EPHB1: variants seen among roughly 807,000 people sequenced by gnomAD.
EPHB1 encodes the protein EPH receptor B1, also known as ephrin type-B receptor 1.
A neutral mutation model predicts 94.4 loss-of-function variants in EPHB1; 30 were observed. The ratio of observed to expected loss-of-function variants is 0.32; its 90% CI spans 0.24 to 0.43. The LOEUF (loss-of-function observed/expected upper bound fraction) is 0.43, where lower values mean the gene tolerates loss of function less well. Among genes scored for constraint, EPHB1 ranks in the 20% least tolerant of loss-of-function variants. The pLI is 1.00. For synonymous variants in EPHB1, 522 were observed against 489.1 expected, an observed-to-expected ratio of 1.07 and a Z score of -0.89; for missense variants, 1,055 against 1,308.3, an observed-to-expected ratio of 0.81 and a Z score of 2.99.
chr3:135,105,576 C>T (rs1316934497), intron 3 of EPHB1, among the ~76,000 whole-genome samples: 2 of 152,008 alleles, frequency 1.3e-5, no homozygotes, highest in African/African-American at 2.4e-5. Context: ...AGTTAAGACC[C>T]GAGGGATAGC....
chr3:135,080,425 G>T (rs935250339), intron 3 of EPHB1, among the ~76,000 whole-genome samples: 8 of 152,198 alleles, frequency 5.3e-5, no homozygotes, highest in Admixed American at 1.3e-4. Flanking sequence ...AAAGGGAATT[G>T]TTTCTGGGGT....
intron 4 of EPHB1, among the ~76,000 whole-genome samples, chr3:135,115,402 G>T (rs550023571): frequency 6.6e-6 from 1 of 152,294 alleles, no homozygotes; most frequent in South Asian, 2.1e-4. Flanking sequence ...AAGGCAGTCA[G>T]GAGTGAGTGG....
At chr3:134,820,262 T>C (rs1211450022) in intron 1 of EPHB1, among the ~76,000 whole-genome samples, 2 of 152,200 alleles carry the variant, frequency 1.3e-5, no homozygotes, top group Non-Finnish European at 2.9e-5. Context: ...GGAGCCTCCA[T>C]GTCTGGGAAA....
intron 3 of EPHB1, among the ~76,000 whole-genome samples, chr3:135,077,114 G>C (rs1215310533): frequency 6.6e-6 from 1 of 152,104 alleles, no homozygotes; most frequent in African/African-American, 2.4e-5. Flanking sequence ...AACTGCTTAA[G>C]ATAAAAAAGA....
chr3:134,908,917 A>G (rs1004262585), intron 1 of EPHB1, among the ~76,000 whole-genome samples: 6 of 151,908 alleles, frequency 3.9e-5, no homozygotes, highest in Non-Finnish European at 8.8e-5. Context: ...GAACAGATAG[A>G]GAGATGAAGT....
At chr3:135,169,039 A>G (rs1327866272) in intron 9 of EPHB1, among the ~76,000 whole-genome samples, 1 of 152,140 alleles carries the variant, frequency 6.6e-6, no homozygotes. Context: ...CTGCAACCTG[A>G]GATCTGGCTG....
At chr3:135,117,641 C>T (rs1018783533) in intron 4 of EPHB1, among the ~76,000 whole-genome samples, 1 of 152,242 alleles carries the variant, frequency 6.6e-6, no homozygotes, top group Non-Finnish European at 1.5e-5. Flanking sequence ...TAGTTGAACA[C>T]TAAGGTCAAT....
At chr3:134,832,461 G>C (rs183673415) in intron 1 of EPHB1, among the ~76,000 whole-genome samples, 5 of 152,296 alleles carry the variant, frequency 3.3e-5, no homozygotes, top group Admixed American at 3.3e-4. Context: ...ACCACCCTGA[G>C]ACCTGTTCAT....
chr3:135,032,084 A>G (rs567563361), intron 3 of EPHB1, among the ~76,000 whole-genome samples: 6 of 151,958 alleles, frequency 3.9e-5, no homozygotes, highest in African/African-American at 1.4e-4. Context: ...TCTAATACTC[A>G]TTGCCTGGGT....
At chr3:135,076,411 A>T (rs1937923426) in intron 3 of EPHB1, among the ~76,000 whole-genome samples, 1 of 152,188 alleles carries the variant, frequency 6.6e-6, no homozygotes, top group Admixed American at 6.5e-5. Context: ...AATGCAAATT[A>T]AAAACACAAT....
chr3:135,004,472 G>A (rs1245059839), intron 3 of EPHB1, among the ~76,000 whole-genome samples: 38 of 152,120 alleles, frequency 2.5e-4, no homozygotes, highest in South Asian at 1.2e-3. Flanking sequence ...TCTTTGTGGC[G>A]TTCTCTGTAT....
At chr3:135,110,794 T>A (rs1363538104) in intron 4 of EPHB1, among the ~76,000 whole-genome samples, 3 of 152,170 alleles carry the variant, frequency 2.0e-5, no homozygotes, top group African/African-American at 7.2e-5. Flanking sequence ...TTTCTCTCCT[T>A]TAAGTTCATG....
At chr3:135,083,545 G>T (rs1052395743) in intron 3 of EPHB1, among the ~76,000 whole-genome samples, 1 of 151,772 alleles carries the variant, frequency 6.6e-6, no homozygotes, top group Non-Finnish European at 1.5e-5. Flanking sequence ...AGGCATTAGG[G>T]CAAGGCTCAG....
chr3:134,977,002 A>G (rs1461896614), intron 3 of EPHB1, among the ~76,000 whole-genome samples: 1 of 152,212 alleles, frequency 6.6e-6, no homozygotes, highest in African/African-American at 2.4e-5. Context: ...TTTTACTTCA[A>G]TAAAGCTGAG....
At position 134,823,504 on chromosome 3, in the gene EPHB1, G is replaced by A. The variant is rs1056531362; in HGVS notation, c.58+27815G>A. On this transcript the variant is annotated intron_variant, in intron 1 of 15. Coordinates refer to ENST00000398015, the MANE Select transcript of EPHB1 (RefSeq NM_004441.5). ...CCTGGTGAGCACCTGCCTTCCCTCA[G>A]GCTCCGTAACAGGAAACTCTCATGT... Among the ~76,000 whole-genome samples, 12 of 152,314 alleles carry A rather than the reference G, an allele frequency of 7.9e-5. No individual in the cohort carries two copies. In the East Asian group the frequency reaches 2.3e-3, roughly 29 times the overall value.
At chr3:134,871,314 T>A (rs2037494554) in intron 1 of EPHB1, among the ~76,000 whole-genome samples, 1 of 152,162 alleles carries the variant, frequency 6.6e-6, no homozygotes, top group Non-Finnish European at 1.5e-5. Context: ...GTGGATACCT[T>A]TCATAATCTG....
chr3:135,072,971 A>G (rs947684909), intron 3 of EPHB1, among the ~76,000 whole-genome samples: 1 of 152,202 alleles, frequency 6.6e-6, no homozygotes, highest in African/African-American at 2.4e-5. Flanking sequence ...TCATGAGTTC[A>G]TAGATTTAAA....
intron 3 of EPHB1, among the ~76,000 whole-genome samples, chr3:135,099,109 GTTA>G (rs58562114): frequency 0.55 from 83,212 of 150,278 alleles, 23,144 homozygotes; most frequent in East Asian, 0.75. Context: ...ATTTGTTGTT[GTTA>G]TTATTATTAT....
chr3:134,810,764 G>A (rs999903152), intron 1 of EPHB1, among the ~76,000 whole-genome samples: 2 of 152,272 alleles, frequency 1.3e-5, no homozygotes, highest in Non-Finnish European at 1.5e-5. Flanking sequence ...AGATAGGAAT[G>A]GAAAGATAAG....
Sources: allele counts gnomAD v4.1 joint callset (sites outside exome capture counted in the v4.1 genomes callset), GRCh38; gene constraint gnomAD v4.1.1; transcripts MANE v1.5; gene names NCBI Gene and HGNC (gene_info 2026-07-23, HGNC 2026-07-21).